CLHC1: variants seen among roughly 807,000 people sequenced by gnomAD.
CLHC1 encodes the protein clathrin heavy chain linker domain-containing protein 1.
CLHC1 carries 72 observed loss-of-function variants against 69.5 expected under a neutral mutation model. The ratio of observed to expected loss-of-function variants is 1.04; its 90% CI spans 0.86 to 1.26. CLHC1 has a LOEUF of 1.26. CLHC1 is among the 50% of genes most tolerant of loss of function. The pLI is 0.00. For synonymous variants in CLHC1, 223 were observed against 224.3 expected (o/e 0.99, Z 0.05); for missense variants, 790 against 679.3 (o/e 1.16, Z -1.81).
In CLHC1 at chr2:55,208,670, T is replaced by C; in HGVS notation, c.855A>G (p.Pro285=). The C allele has an allele frequency of 6.2e-7, 1 of 1,612,770 alleles. No homozygotes were observed. ...TAATTTCAGCTTCTTTTGCCCTGCG[T>C]GGATCATCTTCCATTAGTTCTTCAA... ...GIVEELMEDD[P]RRAKEAEIML... The change falls in exon 8 of 13, where the codon CCA becomes CCG. Residue 285 remains proline, a synonymous_variant. Transcript: ENST00000401408.
intron 7 of CLHC1, 130 bp downstream of exon 7, chr2:55,209,274 C>G: frequency 1.6e-6 from 1 of 621,710 alleles, no homozygotes; most frequent in Non-Finnish European, 2.9e-6. Context: ...AAACCCATAG[C>G]GTAACAGACA....
Position 55,172,823 on chromosome 2 carries a change from A to C in CLHC1, c.*2967T>G, listed in dbSNP as rs1158471987. 6.6e-6 allele frequency among the ~76,000 whole-genome samples: 1 copy of C among 152,154 alleles called. No individual in the cohort carries two copies. Among genetic ancestry groups the C allele is most frequent in the East Asian group, 1.9e-4 (1 of 5,204 alleles). ...ACCTTTTAAAGTTAAAAAAGTGATT[A>C]ATTTAATGGTCATTTCTTAGTTAAT... On this transcript the variant is annotated 3_prime_UTR_variant, in exon 13 of 13. Coordinates refer to ENST00000401408, the MANE Select transcript of CLHC1 (RefSeq NM_152385.4).
chr2:55,180,847 G>A, intron 10 of CLHC1, 135 bp from the exon 11 acceptor site: 1 of 633,256 alleles, frequency 1.6e-6, no homozygotes, highest in South Asian at 1.9e-5. Flanking sequence ...AATTTAATAG[G>A]CAATTGATTA....
intron 9 of CLHC1, among the ~76,000 whole-genome samples, chr2:55,183,012 A>G (rs889452393): frequency 4.6e-5 from 7 of 152,142 alleles, no homozygotes; most frequent in Non-Finnish European, 7.3e-5. Flanking sequence ...CATCTACCAC[A>G]CCCAAGAAAC....
intron 9 of CLHC1, among the ~76,000 whole-genome samples, chr2:55,203,109 G>A (rs1348072938): frequency 6.6e-6 from 1 of 152,020 alleles, no homozygotes; most frequent in Non-Finnish European, 1.5e-5. Flanking sequence ...CCAAAGCACT[G>A]AAACAGCTCT....
At chr2:55,230,416 T>C (rs1316413996) in intron 1 of CLHC1, among the ~76,000 whole-genome samples, 1 of 152,176 alleles carries the variant, frequency 6.6e-6, no homozygotes, top group Non-Finnish European at 1.5e-5. Flanking sequence ...GCCTGTCCAT[T>C]AGAGATGTTG....
intron 2 of CLHC1, chr2:55,224,264 ACAGT>A (rs982736719): frequency 1.1e-5 from 4 of 359,728 alleles, no homozygotes; most frequent in Admixed American, 3.1e-5. Context: ...ACTTGATTCC[ACAGT>A]CAAAGGAGCT....
chr2:55,194,871 G>T (rs1036489220), intron 9 of CLHC1, among the ~76,000 whole-genome samples: 1 of 151,848 alleles, frequency 6.6e-6, no homozygotes, highest in Non-Finnish European at 1.5e-5. Context: ...GTGTGTGTTT[G>T]TGCATGTGTA....
chr2:55,208,343 T>C (rs950520035), intron 8 of CLHC1, among the ~76,000 whole-genome samples: 5 of 152,192 alleles, frequency 3.3e-5, no homozygotes, highest in African/African-American at 1.2e-4. Flanking sequence ...ATAATATTTC[T>C]AATAATTTTG....
intron 3 of CLHC1, among the ~76,000 whole-genome samples, chr2:55,220,692 T>C (rs1332355948): frequency 2.6e-5 from 4 of 152,180 alleles, no homozygotes; most frequent in African/African-American, 9.7e-5. Flanking sequence ...GTAAGAAAAA[T>C]TCTGACAAGT....
intron 9 of CLHC1, among the ~76,000 whole-genome samples, chr2:55,195,064 G>A (rs1447575309): frequency 6.6e-6 from 1 of 152,112 alleles, no homozygotes; most frequent in Non-Finnish European, 1.5e-5. Context: ...CTACAGGTAT[G>A]TGCCACCATG....
At chr2:55,231,898 C>A (rs1237685256) in intron 1 of CLHC1, 1 of 152,184 alleles carries the variant, frequency 6.6e-6, no homozygotes, top group Non-Finnish European at 1.5e-5. Context: ...TAAGGAGTGA[C>A]ACACAAGACC....
At chr2:55,177,847 C>T in intron 11 of CLHC1, 66 bp from the exon 12 acceptor site, 1 of 1,193,732 alleles carries the variant, frequency 8.4e-7, no homozygotes. Flanking sequence ...GAAACTAGGA[C>T]TAGCTAATGT....
At chr2:55,231,539 A>T (rs950818909) in intron 1 of CLHC1, among the ~76,000 whole-genome samples, 1 of 152,152 alleles carries the variant, frequency 6.6e-6, no homozygotes, top group Non-Finnish European at 1.5e-5. Context: ...AAGACTGGAG[A>T]GAGATAAGGA....
At chr2:55,203,676 T>A (rs1672174367) in intron 9 of CLHC1, among the ~76,000 whole-genome samples, 1 of 152,120 alleles carries the variant, frequency 6.6e-6, no homozygotes, top group Admixed American at 6.6e-5. Flanking sequence ...GGATTAAATA[T>A]TTAAATCTAA....
At chr2:55,216,382 G>A (rs1673510457) in intron 4 of CLHC1, among the ~76,000 whole-genome samples, 1 of 151,774 alleles carries the variant, frequency 6.6e-6, no homozygotes, top group African/African-American at 2.4e-5. Context: ...TAACAAGATT[G>A]AGCATCTTAT....
chr2:55,175,915 AT>A lies in CLHC1; in HGVS notation c.1635del (p.Cys546ValfsTer35). The A allele has an allele frequency of 6.2e-7, 1 of 1,614,056 alleles. No homozygotes were observed. The highest frequency in any genetic ancestry group is 8.5e-7 in the Non-Finnish European group (1 of 1,179,928). On this transcript the variant is annotated frameshift_variant, in exon 13 of 13. Coordinates refer to ENST00000401408, the MANE Select transcript of CLHC1 (RefSeq NM_152385.4). LOFTEE classifies it high-confidence loss of function. ...AATTTGTCAAAGCCATTCTGTGAAC[AT>A]ATATTTGCCACTTCTTGCCACTTTT... ...SIEKWQEVAN[I>X]CSQNGFDKLS...
rs972180683 is a variant in CLHC1 at position 55,224,324 on chromosome 2, G to A, written c.-82-1831C>T. 9 of 467,802 alleles carry A rather than the reference G, an allele frequency of 1.9e-5. No individual in the cohort carries two copies. The Admixed American group carries it at 2.0e-4, about 10-fold the overall frequency. 29.0% of individuals were successfully genotyped at this position (467,802 alleles called of 1,614,324 possible). On this transcript the variant is annotated intron_variant, in intron 2 of 12. Transcript: ENST00000401408. Reference sequence around the variant, plus strand: ...TGCCGTCCTCTGGGAGTGTTTGAGTGTGAACTCCACGCCTTGACAGCTCCC... The same window carrying A: ...TGCCGTCCTCTGGGAGTGTTTGAGTATGAACTCCACGCCTTGACAGCTCCC...
At chr2:55,186,797 TTATTAGAAA>T (rs1439203916) in intron 9 of CLHC1, among the ~76,000 whole-genome samples, 5 of 152,018 alleles carry the variant, frequency 3.3e-5, no homozygotes, top group Admixed American at 2.0e-4. Flanking sequence ...ATGTTTAAAA[TTATTAGAAA>T]TATTAAAGGT....
Sources: gnomAD v4.1 joint callset for allele counts (sites outside exome capture counted in the v4.1 genomes callset) on GRCh38, gnomAD v4.1.1 for gene constraint, MANE v1.5 for transcripts, NCBI Gene and HGNC (gene_info 2026-07-23, HGNC 2026-07-21) for gene names.